The following SLC24A2 variants were observed in gnomAD, a reference collection of about 807,000 sequenced individuals.
SLC24A2 encodes sodium/potassium/calcium exchanger 2.
A neutral mutation model predicts 62.0 loss-of-function variants in SLC24A2; 36 were observed. That is an observed-to-expected ratio of 0.58 (90% CI 0.44 to 0.77). The LOEUF (loss-of-function observed/expected upper bound fraction) is 0.77. Among genes scored for constraint, SLC24A2 ranks in the 30% least tolerant of loss-of-function variants. The pLI, the probability that SLC24A2 is intolerant of heterozygous loss-of-function variation, is 0.00. For missense variants in SLC24A2, 846 were observed against 817.9 expected, an observed-to-expected ratio of 1.03 and a Z score of -0.42; for synonymous variants, 358 against 294.0, an observed-to-expected ratio of 1.22 and a Z score of -2.23.
At chr9:19,751,160 C>T (rs566579365) in intron 2 of SLC24A2, among the ~76,000 whole-genome samples, 24 of 152,228 alleles carry the variant, frequency 1.6e-4, no homozygotes, top group Admixed American at 1.2e-3. Flanking sequence ...TTAGCGCTGA[C>T]GGTAATAATT....
At chr9:19,676,389 C>T (rs1819560698) in intron 2 of SLC24A2, among the ~76,000 whole-genome samples, 1 of 152,192 alleles carries the variant, frequency 6.6e-6, no homozygotes, top group South Asian at 2.1e-4. Context: ...TTTAGTCCTG[C>T]CTATTATCTG....
chr9:20,087,160 C>T, the SLC24A2 span, among the ~76,000 whole-genome samples: 1 of 152,206 alleles, frequency 6.6e-6, no homozygotes, highest in East Asian at 1.9e-4. Flanking sequence ...AAGTTAGAGA[C>T]AGACATTAGT....
chr9:20,252,984 G>A, the SLC24A2 span, among the ~76,000 whole-genome samples: 1 of 152,190 alleles, frequency 6.6e-6, no homozygotes, highest in South Asian at 2.1e-4. Context: ...CAACTAATTT[G>A]CTAAAGAAAG....
chr9:20,201,790 C>T, the SLC24A2 span, among the ~76,000 whole-genome samples: 100 of 152,164 alleles, frequency 6.6e-4, no homozygotes, highest in East Asian at 3.7e-3. Context: ...TTCATTATTT[C>T]GAAATTTCAT....
chr9:19,539,781 A>G (rs1193508240), intron 8 of SLC24A2, among the ~76,000 whole-genome samples: 1 of 6,984 alleles, frequency 1.4e-4, no homozygotes, highest in South Asian at 3.5e-3. Flanking sequence ...TGTCTCGTTG[A>G]TCTGTCTAAT....
At chr9:19,521,856 CT>C (rs201095871) in intron 9 of SLC24A2, among the ~76,000 whole-genome samples, 7 of 133,802 alleles carry the variant, frequency 5.2e-5, no homozygotes, top group East Asian at 2.4e-4. Context: ...GTGGCTATTA[CT>C]TTTTTTCTTT....
the SLC24A2 span, among the ~76,000 whole-genome samples, chr9:20,197,189 A>G: frequency 2.6e-5 from 4 of 152,206 alleles, no homozygotes; most frequent in Non-Finnish European, 5.9e-5. Flanking sequence ...ATTTCTAGAA[A>G]TGAAATTTCA....
chr9:19,788,092 CA>C (rs1823227289), intron 1 of SLC24A2, among the ~76,000 whole-genome samples: 1 of 152,330 alleles, frequency 6.6e-6, no homozygotes, highest in Admixed American at 6.5e-5. Context: ...GAGATAATCT[CA>C]GGTGTAAAAT....
intron 8 of SLC24A2, among the ~76,000 whole-genome samples, chr9:19,529,885 A>G (rs1833619031): frequency 6.6e-6 from 1 of 151,394 alleles, no homozygotes; most frequent in South Asian, 2.1e-4. Flanking sequence ...GAGTAGCTGG[A>G]ATTACAGGCA....
the SLC24A2 span, among the ~76,000 whole-genome samples, chr9:19,820,039 A>ACATATATATATATATATGTG: frequency 4.8e-5 from 1 of 20,670 alleles, no homozygotes; most frequent in Admixed American, 9.8e-4. Flanking sequence ...ATATATATAT[A>ACATATATATATATATATGTG]TACATATATA....
chr9:20,247,657 G>A, the SLC24A2 span, among the ~76,000 whole-genome samples: 1 of 152,174 alleles, frequency 6.6e-6, no homozygotes, highest in Admixed American at 6.5e-5. Context: ...TCTATTGTTG[G>A]TTAGCCAAAA....
chr9:19,687,343 T>C (rs1819913071), intron 2 of SLC24A2, among the ~76,000 whole-genome samples: 1 of 152,108 alleles, frequency 6.6e-6, no homozygotes, highest in African/African-American at 2.4e-5. Context: ...TAAAATGGCA[T>C]GTTACTCACC....
At chr9:19,656,118 C>A (rs562038763) in intron 2 of SLC24A2, among the ~76,000 whole-genome samples, 2 of 152,226 alleles carry the variant, frequency 1.3e-5, no homozygotes, top group African/African-American at 2.4e-5. Flanking sequence ...TACTGTGAAC[C>A]AGAATGTGTT....
the SLC24A2 span, among the ~76,000 whole-genome samples, chr9:19,865,418 A>G: frequency 6.6e-6 from 1 of 152,130 alleles, no homozygotes; most frequent in African/African-American, 2.4e-5. Context: ...GCAAAAAGGA[A>G]AAAACTGTAG....
chr9:19,750,639 C>A (rs1045607323), intron 2 of SLC24A2, among the ~76,000 whole-genome samples: 15 of 152,108 alleles, frequency 9.9e-5, no homozygotes, highest in Admixed American at 7.2e-4. Flanking sequence ...TTATAAAATG[C>A]AATTTTGAGA....
intron 2 of SLC24A2, among the ~76,000 whole-genome samples, chr9:19,760,368 C>T (rs1822281674): frequency 6.6e-6 from 1 of 152,064 alleles, no homozygotes; most frequent in Non-Finnish European, 1.5e-5. Flanking sequence ...AATTTTCTTA[C>T]TTTTATTTTT....
chr9:19,642,453 G>A (rs927201075), intron 2 of SLC24A2, among the ~76,000 whole-genome samples: 1 of 152,046 alleles, frequency 6.6e-6, no homozygotes, highest in African/African-American at 2.4e-5. Context: ...GCCTACACAG[G>A]GCTGACACCA....
chr9:20,224,038 A>T, the SLC24A2 span, among the ~76,000 whole-genome samples: 4 of 152,068 alleles, frequency 2.6e-5, no homozygotes, highest in East Asian at 1.9e-4. Context: ...TCTCATGAGA[A>T]CTCACTCACT....
At chr9:19,936,566 C>A in the SLC24A2 span, among the ~76,000 whole-genome samples, 1 of 152,150 alleles carries the variant, frequency 6.6e-6, no homozygotes, top group Non-Finnish European at 1.5e-5. Flanking sequence ...TCAGCCTCTT[C>A]ACTTTGTAAA....
Sources: allele counts gnomAD v4.1 joint callset (sites outside exome capture counted in the v4.1 genomes callset), GRCh38; gene constraint gnomAD v4.1.1; transcripts MANE v1.5; gene names NCBI Gene and HGNC (gene_info 2026-07-23, HGNC 2026-07-21).